OXR1: variants seen among roughly 807,000 people sequenced by gnomAD.
The protein encoded by OXR1 is oxidation resistance protein 1.
In OXR1, 41 loss-of-function variants were observed where a neutral mutation model predicts 104.6. The observed-to-expected ratio is 0.39, with a 90% confidence interval of 0.31 to 0.51. The LOEUF (loss-of-function observed/expected upper bound fraction) is 0.51. OXR1 is among the 20% of genes least tolerant of loss of function. The probability of loss-of-function intolerance (pLI) is 0.77; values close to 1 mark genes in which losing one functional copy is unlikely to be tolerated. For synonymous variants in OXR1, 348 were observed against 348.4 expected, an observed-to-expected ratio of 1.00 and a Z score of 0.01; for missense variants, 955 against 1,031.9, an observed-to-expected ratio of 0.93 and a Z score of 1.02.
chr8:106,726,388 T>C, intron 11 of OXR1: 5 of 802,318 alleles, frequency 6.2e-6, no homozygotes, highest in Non-Finnish European at 5.6e-6. Flanking sequence ...ATACAATTTC[T>C]GAAAGTTTAA....
At chr8:106,482,007 T>C (rs1003156155) in intron 2 of OXR1, among the ~76,000 whole-genome samples, 1 of 152,002 alleles carries the variant, frequency 6.6e-6, no homozygotes, top group African/African-American at 2.4e-5. Context: ...AAAAATGACA[T>C]GTACATAGTA....
intron 2 of OXR1, among the ~76,000 whole-genome samples, chr8:106,512,125 T>C (rs1195871779): frequency 1.3e-5 from 2 of 152,192 alleles, no homozygotes; most frequent in Admixed American, 1.3e-4. Flanking sequence ...TGACAGATAT[T>C]GTTAATATTC....
chr8:106,479,109 A>T (rs1821964542), intron 2 of OXR1, among the ~76,000 whole-genome samples: 1 of 151,992 alleles, frequency 6.6e-6, no homozygotes, highest in South Asian at 2.1e-4. Context: ...TTTCACTTTT[A>T]CAATTCCATC....
intron 3 of OXR1, among the ~76,000 whole-genome samples, chr8:106,530,841 A>G (rs759153464): frequency 3.9e-5 from 6 of 152,190 alleles, no homozygotes; most frequent in Non-Finnish European, 7.4e-5. Context: ...TGAAAAAAAA[A>G]TCTATGTGGG....
chr8:106,514,463 T>C (rs545905188), intron 2 of OXR1, among the ~76,000 whole-genome samples: 1 of 152,232 alleles, frequency 6.6e-6, no homozygotes, highest in East Asian at 1.9e-4. Context: ...AGCAGTATTC[T>C]AAACTTAGAA....
At chr8:106,672,205 C>T (rs1021766313) in intron 3 of OXR1, among the ~76,000 whole-genome samples, 1 of 151,518 alleles carries the variant, frequency 6.6e-6, no homozygotes. Flanking sequence ...GTGCTGGGCA[C>T]AGTGGCTCAT....
chr8:106,583,908 T>C (rs1256230791), intron 3 of OXR1, among the ~76,000 whole-genome samples: 1 of 152,174 alleles, frequency 6.6e-6, no homozygotes, highest in Non-Finnish European at 1.5e-5. Context: ...TCTGCTTTTT[T>C]AGTGTCTTGT....
intron 3 of OXR1, among the ~76,000 whole-genome samples, chr8:106,636,937 T>G (rs1823191884): frequency 6.6e-6 from 1 of 152,216 alleles, no homozygotes; most frequent in African/African-American, 2.4e-5. Flanking sequence ...CTCTTCTTTA[T>G]TCTTCTAGTC....
At chr8:106,423,741 C>T (rs1486050437) in intron 2 of OXR1, among the ~76,000 whole-genome samples, 1 of 152,258 alleles carries the variant, frequency 6.6e-6, no homozygotes, top group Non-Finnish European at 1.5e-5. Context: ...AATGAAAAAC[C>T]ATACATCTCT....
At chr8:106,658,339 G>C (rs1394260409) in intron 3 of OXR1, among the ~76,000 whole-genome samples, 1 of 152,150 alleles carries the variant, frequency 6.6e-6, no homozygotes, top group Non-Finnish European at 1.5e-5. Context: ...CGGCCGCCGG[G>C]GGCGAGGAAG....
chr8:106,526,597 C>T (rs572666823), intron 3 of OXR1, among the ~76,000 whole-genome samples: 3 of 152,346 alleles, frequency 2.0e-5, no homozygotes. Flanking sequence ...GGCTGGAGTG[C>T]AGTGGCGCAA....
intron 1 of OXR1, among the ~76,000 whole-genome samples, chr8:106,296,356 G>A (rs1812994340): frequency 6.6e-6 from 1 of 152,148 alleles, no homozygotes; most frequent in South Asian, 2.1e-4. Flanking sequence ...TGATAATGAT[G>A]ATGATAGTAC....
At chr8:106,718,198 A>G (rs1188325797) in intron 11 of OXR1, among the ~76,000 whole-genome samples, 1 of 152,200 alleles carries the variant, frequency 6.6e-6, no homozygotes, top group Non-Finnish European at 1.5e-5. Flanking sequence ...TATTCATATC[A>G]GTACCCTAAA....
At chr8:106,611,694 C>T (rs1395224887) in intron 3 of OXR1, among the ~76,000 whole-genome samples, 1 of 152,154 alleles carries the variant, frequency 6.6e-6, no homozygotes, top group Non-Finnish European at 1.5e-5. Flanking sequence ...CTTTCCCACC[C>T]CCATTCATTC....
chr8:106,476,143 G>A (rs1056034035), intron 2 of OXR1, among the ~76,000 whole-genome samples: 1 of 151,740 alleles, frequency 6.6e-6, no homozygotes, highest in South Asian at 2.1e-4. Flanking sequence ...ATAGAGTACT[G>A]TGTGTAATGA....
At position 106,551,427 on chromosome 8, in the gene OXR1, AGCT is replaced by A. The variant is rs577622429; in HGVS notation, c.220+32289_220+32291del. 3.9e-4 allele frequency among the ~76,000 whole-genome samples: 59 copies of A among 152,352 alleles called. No individual in the cohort carries two copies. In the East Asian group the frequency reaches 0.01, roughly 26 times the overall value. On this transcript the variant is annotated intron_variant, in intron 3 of 16. Transcript: ENST00000517566. ...TACAAAAATATATAAACTTTTAATTAGCTATTTACTTTAGTATATGGTTCACTT... is the reference window on the plus strand; with the variant it reads ...TACAAAAATATATAAACTTTTAATTAATTTACTTTAGTATATGGTTCACTT...
intron 1 of OXR1, among the ~76,000 whole-genome samples, chr8:106,305,395 C>G (rs1813425972): frequency 6.6e-6 from 1 of 152,060 alleles, no homozygotes; most frequent in African/African-American, 2.4e-5. Flanking sequence ...CTAATAACTG[C>G]TTTTAAGGGT....
chr8:106,649,821 C>T (rs1457121278), intron 3 of OXR1, among the ~76,000 whole-genome samples: 1 of 151,936 alleles, frequency 6.6e-6, no homozygotes, highest in Non-Finnish European at 1.5e-5. Flanking sequence ...CTCAGCCTCC[C>T]AAATAGCTGG....
At chr8:106,330,983 T>C (rs1814691356) in intron 1 of OXR1, among the ~76,000 whole-genome samples, 1 of 152,194 alleles carries the variant, frequency 6.6e-6, no homozygotes, top group Admixed American at 6.5e-5. Flanking sequence ...GAGAAAAGTA[T>C]GAAGTGCTAA....
Sources: allele counts gnomAD v4.1 joint callset (sites outside exome capture counted in the v4.1 genomes callset), GRCh38; gene constraint gnomAD v4.1.1; transcripts MANE v1.5; gene names NCBI Gene and HGNC (gene_info 2026-07-23, HGNC 2026-07-21).